Variants in TMEM63A observed in about 807,000 individuals in gnomAD.
TMEM63A encodes the protein transmembrane protein 63A.
Under a neutral mutation model 100.6 loss-of-function variants are expected in TMEM63A, and 76 were observed. That is an observed-to-expected ratio of 0.76 (90% CI 0.63 to 0.91). The LOEUF (loss-of-function observed/expected upper bound fraction) is 0.91, where lower values mean the gene tolerates loss of function less well. Among genes scored for constraint, TMEM63A ranks in the 40% least tolerant of loss-of-function variants. The pLI is 0.00. For synonymous variants in TMEM63A, 401 were observed against 401.1 expected, an observed-to-expected ratio of 1.00 and a Z score of 0.00; for missense variants, 876 against 1,008.8, an observed-to-expected ratio of 0.87 and a Z score of 1.78.
chr1:225,861,974 C>T (rs987190237), intron 13 of TMEM63A: 17 of 599,302 alleles, frequency 2.8e-5, no homozygotes, highest in Admixed American at 3.0e-5. Flanking sequence ...CACATCAGCT[C>T]GAGGGGGTCA....
At chr1:225,859,129 T>C in intron 15 of TMEM63A, 67 bp downstream of exon 15, 1 of 1,607,202 alleles carries the variant, frequency 6.2e-7, no homozygotes. Context: ...TCCCCACTCC[T>C]TCCCCACCCA....
chr1:225,856,573 C>T (rs1004187252), intron 17 of TMEM63A, 79 bp downstream of exon 17: 25 of 1,474,524 alleles, frequency 1.7e-5, no homozygotes, highest in African/African-American at 5.6e-5. Context: ...GCTGCCAAAC[C>T]GTTTGCATTC....
chr1:225,860,853 A>G lies in TMEM63A; in HGVS notation c.1223+7T>C, dbSNP rs747078666. The G allele has an allele frequency of 6.2e-6, 10 of 1,603,996 alleles. No individual in the cohort carries two copies. The African/African-American group carries it at 1.2e-4, about 19-fold the overall frequency. On this transcript the variant is annotated splice_region_variant and intron_variant, in intron 14 of 24. Coordinates refer to ENST00000366835, the MANE Select transcript of TMEM63A (RefSeq NM_014698.3). Reference sequence around the variant, plus strand: ...CTCTCCCACCTCTCCTTGGTCTAGGAGCTTACCAGCAGATGTCCTCAGGGT... The same window carrying G: ...CTCTCCCACCTCTCCTTGGTCTAGGGGCTTACCAGCAGATGTCCTCAGGGT...
In TMEM63A at chr1:225,859,845, C is replaced by T. The variant is rs148960009; in HGVS notation, c.1224-496G>A. ...TATTTTTAGTAGAGACAGGGTTTCA[C>T]CATGTTACCCAGGGTGGTCTTGAAA... On this transcript the variant is annotated intron_variant, in intron 14 of 24. Transcript: ENST00000366835. 1,492 of 162,820 alleles carry T rather than the reference C, an allele frequency of 9.2e-3. 30 individuals are homozygous for T. Among genetic ancestry groups the T allele is most frequent in the African/African-American group, 0.034 (1,418 of 41,536 alleles). 10.1% of individuals were successfully genotyped at this position (162,820 alleles called of 1,614,324 possible).
At position 225,853,390 on chromosome 1, in the gene TMEM63A, G is replaced by A. The variant is rs998633605; in HGVS notation, c.1797+239C>T. On this transcript the variant is annotated intron_variant, in intron 19 of 24. Coordinates refer to ENST00000366835, the MANE Select transcript of TMEM63A (RefSeq NM_014698.3). The surrounding 1 kb of genome is among the most constrained non-coding windows in gnomAD (Gnocchi z 4.0). ...ATGTATGTATGTGTGCGATCAAACC[G>A]TTTCAAATGCCAAAGTCCCAAGCTC... Among the ~76,000 whole-genome samples, 7 of 152,196 alleles carry A rather than the reference G, an allele frequency of 4.6e-5. No homozygotes were observed. The highest frequency in any genetic ancestry group is 1.9e-4 in the East Asian group (1 of 5,196).
intron 15 of TMEM63A, 29 bp from the exon 16 acceptor site, chr1:225,857,046 T>A: frequency 6.5e-7 from 1 of 1,540,140 alleles, no homozygotes; most frequent in Non-Finnish European, 8.7e-7. Context: ...GCAGAGAGAG[T>A]CACAGGGGCC....
rs116516791 is a variant in TMEM63A at position 225,862,460 on chromosome 1, C to T, written c.946G>A (p.Glu316Lys). Residue 316 changes from glutamate to lysine, a missense_variant, in exon 12 of 25, where the codon GAG becomes AAG. By Grantham distance (56) the Glu-to-Lys change is moderately conservative (BLOSUM62 1). Coordinates refer to ENST00000366835, the MANE Select transcript of TMEM63A (RefSeq NM_014698.3). The surrounding 1 kb of genome is among the most constrained non-coding windows in gnomAD (Gnocchi z 5.1). ...QFCCCEVLGCEWEDAISYYTR... is the reference protein window; with the variant it reads ...QFCCCEVLGCKWEDAISYYTR... Reference sequence around the variant, plus strand: ...CCGGGGGGTGGGACCCTTACCCACTCACAGCCCAGCACTTCACAGCAGCAA... The same window carrying T: ...CCGGGGGGTGGGACCCTTACCCACTTACAGCCCAGCACTTCACAGCAGCAA... The T allele has an allele frequency of 1.3e-5, 21 of 1,614,100 alleles. No individual in the cohort carries two copies. The African/African-American group carries it at 2.0e-4, about 15-fold the overall frequency.
chr1:225,869,661 C>CTT (rs761220118), intron 6 of TMEM63A, among the ~76,000 whole-genome samples: 2 of 22,432 alleles, frequency 8.9e-5, no homozygotes, highest in South Asian at 6.3e-3. Context: ...TATTTCTTTT[C>CTT]TTTTCTTTTT....
At chr1:225,866,769 G>T in intron 8 of TMEM63A, 87 bp from the exon 9 acceptor site, 1 of 1,205,366 alleles carries the variant, frequency 8.3e-7, no homozygotes, top group Non-Finnish European at 1.2e-6. Context: ...CCCTCAGTGG[G>T]CACTGAACTG....
chr1:225,855,319 G>A (rs1041076328), intron 18 of TMEM63A, among the ~76,000 whole-genome samples: 1 of 152,244 alleles, frequency 6.6e-6, no homozygotes, highest in African/African-American at 2.4e-5. Flanking sequence ...GAGAATAATA[G>A]TATCTTCCTC....
intron 6 of TMEM63A, among the ~76,000 whole-genome samples, chr1:225,869,739 T>C (rs1159822902): frequency 6.6e-6 from 1 of 150,536 alleles, no homozygotes; most frequent in Non-Finnish European, 1.5e-5. Context: ...CTTGGCTCAC[T>C]GCGACCTCCG....
intron 23 of TMEM63A, among the ~76,000 whole-genome samples, chr1:225,847,807 AG>A (rs1669094597): frequency 6.6e-6 from 1 of 152,180 alleles, no homozygotes; most frequent in Non-Finnish European, 1.5e-5. Flanking sequence ...AACTTGTCCA[AG>A]GACAGACACC....
At chr1:225,877,267 G>T in intron 3 of TMEM63A, 128 bp downstream of exon 3, 1 of 1,065,766 alleles carries the variant, frequency 9.4e-7, no homozygotes, top group Non-Finnish European at 1.3e-6. Context: ...CACAGAGCTG[G>T]TAAGCAGCAG....
intron 20 of TMEM63A, 91 bp downstream of exon 20, chr1:225,852,573 T>A: frequency 1.6e-6 from 2 of 1,249,714 alleles, no homozygotes; most frequent in South Asian, 2.5e-5. Context: ...GGAACTCCAT[T>A]GTGCCCTGGT....
At chr1:225,869,782 C>T (rs910796037) in intron 6 of TMEM63A, among the ~76,000 whole-genome samples, 1 of 150,604 alleles carries the variant, frequency 6.6e-6, no homozygotes, top group African/African-American at 2.4e-5. Flanking sequence ...CCTGCCTCAG[C>T]CTCCCGAGTA....
Position 225,853,684 on chromosome 1 carries a change from T to A in TMEM63A, c.1742A>T (p.Tyr581Phe), listed in dbSNP as rs1004604363. 1.3e-5 allele frequency: 20 copies of A among 1,585,686 alleles called. No homozygotes were observed. Among genetic ancestry groups the A allele is most frequent in the Non-Finnish European group, 1.6e-5 (19 of 1,165,912 alleles). ...ELLRLPGLIL[Y>F]TFRMIMAKTA... Reference sequence around the variant, plus strand: ...CTTGGCCATGATCATGCGGAAGGTATAGAGGATGAGACCTGGCAGCCGCAG... The same window carrying A: ...CTTGGCCATGATCATGCGGAAGGTAAAGAGGATGAGACCTGGCAGCCGCAG... Residue 581 changes from tyrosine (Y) to phenylalanine (F), a missense_variant, in exon 19 of 25, where the codon TAT becomes TTT. Physicochemically the swap from Tyr to Phe is conservative, Grantham distance 22. Around this residue, in one of 5 missense-constraint regions of TMEM63A, gnomAD observed 339 missense variants for 342.3 expected, o/e 0.99. Transcript: ENST00000366835. This position sits in a 1 kb window ranked among gnomAD's most constrained non-coding sequence, Gnocchi z 4.0.
intron 21 of TMEM63A, among the ~76,000 whole-genome samples, chr1:225,849,219 G>T (rs1445328790): frequency 2.1e-5 from 3 of 143,420 alleles, no homozygotes; most frequent in African/African-American, 7.8e-5. Context: ...ACACACAGAG[G>T]GACCCACTGA....
At position 225,874,463 on chromosome 1, in the gene TMEM63A, A is replaced by G. The variant is rs550055192; in HGVS notation, c.187-96T>C. 1.5e-4 allele frequency: 154 copies of G among 1,049,344 alleles called. 1 individual carries two copies. Among genetic ancestry groups the G allele is most frequent in the Non-Finnish European group, 2.1e-4 (148 of 716,860 alleles). The allele number at this position is 1,049,344 out of a possible 1,614,324, so 65.0% of individuals were successfully genotyped here. A position where few individuals can be genotyped will look rare whatever the true frequency, so the allele number is the denominator to read the frequency against. ...GGGTAAAGCCCACCTGCCCGCACTC[A>G]GCAGGGCTAGAAGGAAAACACCCAG... On this transcript the variant is annotated intron_variant, in intron 3 of 24. Transcript: ENST00000366835.
intron 23 of TMEM63A, chr1:225,847,428 C>G: frequency 1.9e-6 from 1 of 529,216 alleles, no homozygotes; most frequent in Non-Finnish European, 3.3e-6. Flanking sequence ...TTATACAGTT[C>G]TCATGATCAC....
Sources: gnomAD v4.1 joint callset for allele counts (sites outside exome capture counted in the v4.1 genomes callset) on GRCh38, gnomAD v4.1.1 for gene constraint, gnomAD v4.1.1 regional missense constraint, Gnocchi (gnomAD v3.1) non-coding constraint, MANE v1.5 for transcripts, NCBI Gene and HGNC (gene_info 2026-07-23, HGNC 2026-07-21) for gene names.